NAP1L4: variants seen among roughly 807,000 people sequenced by gnomAD.
NAP1L4 encodes the protein nucleosome assembly protein 1-like 4.
NAP1L4 carries 15 observed loss-of-function variants against 58.2 expected under a neutral mutation model. The ratio of observed to expected loss-of-function variants is 0.26; its 90% confidence interval spans 0.17 to 0.40. The LOEUF is 0.40. Ranked by LOEUF, NAP1L4 falls within the 10% of genes least tolerant of loss-of-function variation. The pLI is 1.00. For synonymous variants in NAP1L4, 171 were observed against 155.6 expected, an observed-to-expected ratio of 1.10 and a Z score of -0.74; for missense variants, 384 against 451.1, an observed-to-expected ratio of 0.85 and a Z score of 1.35.
At chr11:2,987,880 C>T (rs1028079434) in intron 1 of NAP1L4, among the ~76,000 whole-genome samples, 4 of 152,106 alleles carry the variant, frequency 2.6e-5, no homozygotes, top group Admixed American at 1.3e-4. Context: ...GCAACAGACT[C>T]GGGATGAGAC....
chr11:2,983,330 C>T (rs527688390), intron 1 of NAP1L4, among the ~76,000 whole-genome samples: 2 of 152,290 alleles, frequency 1.3e-5, no homozygotes, highest in East Asian at 3.9e-4. Context: ...AAATGATTCA[C>T]TCAATTTTCA....
rs1232837455 is a variant in NAP1L4 at position 2,976,007 on chromosome 11, A to C, written c.173+17T>G. 1 of 1,601,004 alleles carries C rather than the reference A, an allele frequency of 6.2e-7. No homozygotes were observed. Among genetic ancestry groups the C allele is most frequent in the Non-Finnish European group, 8.5e-7 (1 of 1,173,538 alleles). ...GTTTCTCCAAATTGCATGAGACCCT[A>C]TTCACAGCACACTTACGTTTCGATG... On this transcript the variant is annotated intron_variant, in intron 4 of 15. Transcript: ENST00000380542.
At chr11:2,979,482 A>G (rs891152282) in intron 1 of NAP1L4, among the ~76,000 whole-genome samples, 1 of 152,138 alleles carries the variant, frequency 6.6e-6, no homozygotes, top group African/African-American at 2.4e-5. Flanking sequence ...ACTCATAAAA[A>G]AATTTCTCGG....
Position 2,951,976 on chromosome 11 carries a change from A to T in NAP1L4, c.1036-167T>A, listed in dbSNP as rs1351518291. 22 of 665,864 alleles carry T rather than the reference A, an allele frequency of 3.3e-5. No homozygotes were observed. Among genetic ancestry groups the T allele is most frequent in the Non-Finnish European group, 5.1e-5 (19 of 371,524 alleles). 41.2% of individuals were successfully genotyped at this position (665,864 alleles called of 1,614,324 possible). On this transcript the variant is annotated intron_variant, in intron 12 of 15. Coordinates refer to ENST00000380542, the MANE Select transcript of NAP1L4 (RefSeq NM_005969.4). This position sits in a 1 kb window ranked among gnomAD's most constrained non-coding sequence, Gnocchi z 4.0. ...CCTGAGGAGCCATTTGCTTGTGTGC[A>T]GCGCATTTTAAAAGCATGCCAGGAA...
At chr11:2,958,652 TAAA>T in intron 9 of NAP1L4, 108 bp from the exon 10 acceptor site, 1 of 1,165,166 alleles carries the variant, frequency 8.6e-7, no homozygotes. Context: ...GAAAACGAAA[TAAA>T]ACCAATCTGC....
intron 14 of NAP1L4, among the ~76,000 whole-genome samples, chr11:2,950,475 G>A (rs1053938907): frequency 1.3e-5 from 2 of 152,078 alleles, no homozygotes; most frequent in African/African-American, 2.4e-5. Context: ...ACGTCTAGTC[G>A]GACAGAGACA....
intron 1 of NAP1L4, chr11:2,981,627 G>C (rs768277387): frequency 1.3e-5 from 2 of 151,988 alleles, no homozygotes; most frequent in Non-Finnish European, 2.9e-5. Flanking sequence ...TGGGGAGTTC[G>C]AGACCAGCCT....
chr11:2,983,078 G>A (rs544844354), intron 1 of NAP1L4, among the ~76,000 whole-genome samples: 20 of 152,208 alleles, frequency 1.3e-4, no homozygotes, highest in Non-Finnish European at 2.6e-4. Flanking sequence ...ACAAGCAACA[G>A]CTTAGTCAGG....
chr11:2,986,324 A>C (rs1848613602), intron 1 of NAP1L4, among the ~76,000 whole-genome samples: 2 of 151,384 alleles, frequency 1.3e-5, no homozygotes, highest in East Asian at 2.0e-4. Flanking sequence ...TAGTGAGCCA[A>C]GATTGCCCCA....
intron 7 of NAP1L4, among the ~76,000 whole-genome samples, chr11:2,967,608 TAAAA>T (rs36005224): frequency 2.5e-5 from 3 of 118,372 alleles, no homozygotes; most frequent in South Asian, 2.7e-4. Flanking sequence ...GAGACTCCGT[TAAAA>T]AAAAAAAAAA....
chr11:2,981,529 TA>T (rs1848313215), intron 1 of NAP1L4, among the ~76,000 whole-genome samples: 1 of 150,912 alleles, frequency 6.6e-6, no homozygotes, highest in Admixed American at 6.6e-5. Flanking sequence ...AGTGAAGATT[TA>T]AAAACCCTTT....
rs751719763 is a variant in NAP1L4, at chr11:2,954,376, C to G, written c.1035+151G>C. On this transcript the variant is annotated intron_variant, in intron 12 of 15. Coordinates refer to ENST00000380542, the MANE Select transcript of NAP1L4 (RefSeq NM_005969.4). This position sits in a 1 kb window ranked among gnomAD's most constrained non-coding sequence, Gnocchi z 4.8. ...TTCTCCTCTTCAAGCGTATTCCCCC[C>G]ACAACAAGGACAGCAGCTTGGACTA... The G allele has an allele frequency of 4.4e-6, 5 of 1,147,688 alleles. No individual in the cohort carries two copies. Among genetic ancestry groups the G allele is most frequent in the Non-Finnish European group, 6.4e-6 (5 of 785,048 alleles). The allele number at this position is 1,147,688 out of a possible 1,614,324, so 71.1% of individuals were successfully genotyped here. A position where few individuals can be genotyped will look rare whatever the true frequency, so the allele number is the denominator to read the frequency against.
rs1465752698 is a variant in NAP1L4 at position 2,948,472 on chromosome 11, G to A, written c.*32+755C>T. On this transcript the variant is annotated intron_variant, in intron 15 of 15. Coordinates refer to ENST00000380542, the MANE Select transcript of NAP1L4 (RefSeq NM_005969.4). The surrounding 1 kb of genome is among the most constrained non-coding windows in gnomAD (Gnocchi z 5.1). ...TCCCACTACATCCCGAGTGCCACGA[G>A]TGAACAGGTCTCGTCACGGGCAAGA... 6.6e-6 allele frequency among the ~76,000 whole-genome samples: 1 copy of A among 152,192 alleles called. No individual in the cohort carries two copies. The highest frequency in any genetic ancestry group is 1.5e-5 in the Non-Finnish European group (1 of 68,048).
At chr11:2,965,755 C>T (rs1446854758) in intron 7 of NAP1L4, among the ~76,000 whole-genome samples, 1 of 152,184 alleles carries the variant, frequency 6.6e-6, no homozygotes, top group East Asian at 1.9e-4. Flanking sequence ...TGGTCTCGAT[C>T]TCCTGACCTT....
chr11:2,962,227 C>G (rs1467952376), intron 8 of NAP1L4, among the ~76,000 whole-genome samples: 2 of 152,258 alleles, frequency 1.3e-5, no homozygotes, highest in Non-Finnish European at 2.9e-5. Context: ...TTCAAGTATG[C>G]TGATCATAAT....
chr11:2,955,758 C>T lies in NAP1L4; in HGVS notation c.901G>A (p.Asp301Asn), dbSNP rs1157555177. The stretch of plus-strand genomic sequence containing the variant: ...ACAAATCTTACCAGTGATTCTCCAT[C>T]CCCGGATGCTAGAAAAAGAAAAGAC... ...NFFNPLKASG[D>N]GESLDEDSEF... The change falls in exon 11 of 16, where the codon GAT becomes AAT. Residue 301 changes from aspartate (D) to asparagine (N), a missense_variant. By Grantham distance (23) the Asp-to-Asn change is conservative (BLOSUM62 1). This residue lies in a region of NAP1L4 where 296 missense variants were observed against 360.8 expected (regional missense o/e 0.82). Coordinates refer to ENST00000380542, the MANE Select transcript of NAP1L4 (RefSeq NM_005969.4). The surrounding 1 kb of genome is among the most constrained non-coding windows in gnomAD (Gnocchi z 4.2). 5.6e-6 allele frequency: 9 copies of T among 1,612,734 alleles called. No individual in the cohort carries two copies. The highest frequency in any genetic ancestry group is 2.2e-5 in the East Asian group (1 of 44,882).
chr11:2,951,464 T>A lies in NAP1L4; in HGVS notation c.1066-149A>T, dbSNP rs920843631. ...TGACTCATCACTTCCTTTGGACACTTAGAATTATTTCTAGGTATCTTTTTG... is the reference window on the plus strand; with the variant it reads ...TGACTCATCACTTCCTTTGGACACTAAGAATTATTTCTAGGTATCTTTTTG... On this transcript the variant is annotated intron_variant, in intron 13 of 15. Transcript: ENST00000380542. This position sits in a 1 kb window ranked among gnomAD's most constrained non-coding sequence, Gnocchi z 4.0. 1.1e-5 allele frequency: 8 copies of A among 728,806 alleles called. No homozygotes were observed. The Admixed American group carries it at 1.9e-4, about 18-fold the overall frequency. 45.1% of individuals were successfully genotyped at this position (728,806 alleles called of 1,614,324 possible).
chr11:2,951,657 A>C lies in NAP1L4; in HGVS notation c.1065+123T>G, dbSNP rs901041926. On this transcript the variant is annotated intron_variant, in intron 13 of 15. Transcript: ENST00000380542. This position sits in a 1 kb window ranked among gnomAD's most constrained non-coding sequence, Gnocchi z 4.0. ...TTAGTGTTTTAAGAACATTCTTAGA[A>C]TCAAAGACAGCGTCACAAAAAATGG... The C allele has an allele frequency of 3.9e-5, 36 of 917,558 alleles. No homozygotes were observed. The highest frequency in any genetic ancestry group is 1.7e-4 in the South Asian group (12 of 70,726). The allele number at this position is 917,558 out of a possible 1,614,324, so 56.8% of individuals were successfully genotyped here.
chr11:2,971,619 A>C lies in NAP1L4; in HGVS notation c.316-85T>G. On this transcript the variant is annotated intron_variant, in intron 5 of 15. Transcript: ENST00000380542. The surrounding 1 kb of genome is among the most constrained non-coding windows in gnomAD (Gnocchi z 4.2). ...TTAAATTTATAAATAATGTCTACTA[A>C]AAGACTTTGAAAACTGGATATTTTT... 1.9e-6 allele frequency: 2 copies of C among 1,035,390 alleles called. No individual in the cohort carries two copies. Among genetic ancestry groups the C allele is most frequent in the Admixed American group, 5.1e-5 (2 of 38,888 alleles). The allele number at this position is 1,035,390 out of a possible 1,614,324, so 64.1% of individuals were successfully genotyped here. A position where few individuals can be genotyped will look rare whatever the true frequency, so the allele number is the denominator to read the frequency against.
Sources: gnomAD v4.1 joint callset for allele counts (sites outside exome capture counted in the v4.1 genomes callset) on GRCh38, gnomAD v4.1.1 for gene constraint, gnomAD v4.1.1 regional missense constraint, Gnocchi (gnomAD v3.1) non-coding constraint, MANE v1.5 for transcripts, NCBI Gene and HGNC (gene_info 2026-07-23, HGNC 2026-07-21) for gene names.